The following MCTP2 variants were observed in gnomAD, a reference collection of about 807,000 sequenced individuals.
MCTP2 encodes the protein multiple C2 and transmembrane domain-containing protein 2.
In MCTP2, 132 loss-of-function variants were observed where a neutral mutation model predicts 111.6. That is an observed-to-expected ratio of 1.18 (90% CI 1.03 to 1.37). The LOEUF (loss-of-function observed/expected upper bound fraction) is 1.37, where lower values mean the gene tolerates loss of function less well. Among genes scored for constraint, MCTP2 ranks in the 40% most tolerant of loss-of-function variants. The pLI is 0.00. For synonymous variants in MCTP2, 395 were observed against 387.7 expected, an observed-to-expected ratio of 1.02 and a Z score of -0.22; for missense variants, 1,183 against 1,067.9, an observed-to-expected ratio of 1.11 and a Z score of -1.50.
At chr15:94,249,790 C>CT (rs963420107) in intron 1 of MCTP2, among the ~76,000 whole-genome samples, 5 of 151,856 alleles carry the variant, frequency 3.3e-5, no homozygotes, top group Non-Finnish European at 7.4e-5. Context: ...TGGCCAGAAT[C>CT]TTTTTTTTAA....
At chr15:94,432,989 C>G (rs548105272) in intron 17 of MCTP2, among the ~76,000 whole-genome samples, 19 of 152,314 alleles carry the variant, frequency 1.2e-4, no homozygotes, top group African/African-American at 3.6e-4. Context: ...CACTTCATCA[C>G]CATTTCATCA....
rs117165439 is a variant in MCTP2 at position 94,442,906 on chromosome 15, G to C, written c.2209-13G>C. On this transcript the variant is annotated splice_polypyrimidine_tract_variant and intron_variant, in intron 18 of 22. Transcript: ENST00000357742. ...GGTTGATGTTTCTATAAACACGTGG[G>C]ATTTCCTTTCAGGAGAGCACAGACA... 0.023 allele frequency: 37,340 copies of C among 1,611,688 alleles called. 549 individuals are homozygous for C. Among genetic ancestry groups the C allele is most frequent in the Non-Finnish European group, 0.026 (30,581 of 1,178,318 alleles).
chr15:94,364,176 T>C (rs1255581129), intron 10 of MCTP2, among the ~76,000 whole-genome samples: 1 of 150,062 alleles, frequency 6.7e-6, no homozygotes, highest in Non-Finnish European at 1.5e-5. Context: ...TGCCCGTTTT[T>C]GTAAATAAAG....
At chr15:94,289,444 C>T (rs1389901252) in intron 1 of MCTP2, among the ~76,000 whole-genome samples, 1 of 152,008 alleles carries the variant, frequency 6.6e-6, no homozygotes, top group Non-Finnish European at 1.5e-5. Context: ...TTGGAGGCAG[C>T]AGACCTGACA....
intron 12 of MCTP2, among the ~76,000 whole-genome samples, chr15:94,370,480 G>T (rs936234464): frequency 6.6e-6 from 1 of 152,126 alleles, no homozygotes; most frequent in Non-Finnish European, 1.5e-5. Context: ...TAAGTTGTTG[G>T]TCAAGCTTTT....
chr15:94,427,751 G>A (rs1005404775), intron 17 of MCTP2, among the ~76,000 whole-genome samples: 6 of 152,156 alleles, frequency 3.9e-5, no homozygotes, highest in African/African-American at 7.2e-5. Flanking sequence ...AACTAAGGGA[G>A]TGCATTTGTT....
At chr15:94,367,584 T>C in intron 10 of MCTP2, 21 bp from the exon 11 acceptor site, 3 of 1,597,496 alleles carry the variant, frequency 1.9e-6, no homozygotes, top group Non-Finnish European at 1.7e-6. Flanking sequence ...TTCTCTCTCT[T>C]GATTCCTGAA....
At chr15:94,473,007 T>A (rs910763756) in intron 21 of MCTP2, among the ~76,000 whole-genome samples, 1 of 152,216 alleles carries the variant, frequency 6.6e-6, no homozygotes, top group Admixed American at 6.5e-5. Context: ...TACTTATTCA[T>A]TTTTTATTGA....
In MCTP2 at chr15:94,399,151, T is replaced by G. The variant is rs1463819762; in HGVS notation, c.1890+89T>G. ...TGGAGGCTCAAATCAATGTAAGATGTTTCAGAATTTTTGCAGCTACAGAGA... is the reference window on the plus strand; with the variant it reads ...TGGAGGCTCAAATCAATGTAAGATGGTTCAGAATTTTTGCAGCTACAGAGA... On this transcript the variant is annotated intron_variant, in intron 15 of 22. Transcript: ENST00000357742. 21 of 705,222 alleles carry G rather than the reference T, an allele frequency of 3.0e-5. No homozygotes were observed. In the East Asian group the frequency reaches 5.5e-4, roughly 19 times the overall value. The allele number at this position is 705,222 out of a possible 1,614,324, so 43.7% of individuals were successfully genotyped here.
Position 94,482,079 on chromosome 15 carries a change from TTTTC to T in MCTP2, c.*3049_*3052del, listed in dbSNP as rs1269650558. 6.6e-6 allele frequency: 1 copy of T among 152,228 alleles called. No homozygotes were observed. Among genetic ancestry groups the T allele is most frequent in the Non-Finnish European group, 1.5e-5 (1 of 68,038 alleles). 9.4% of individuals were successfully genotyped at this position (152,228 alleles called of 1,614,324 possible). ...TGGTAAAACAATCTTCTGGATTCTT[TTTTC>T]TTTACTTGTAAATTATCATTTAACA... On this transcript the variant is annotated 3_prime_UTR_variant, in exon 23 of 23. Coordinates refer to ENST00000357742, the MANE Select transcript of MCTP2 (RefSeq NM_001385001.1).
chr15:94,320,910 C>A (rs1238086194), intron 4 of MCTP2, among the ~76,000 whole-genome samples: 1 of 152,176 alleles, frequency 6.6e-6, no homozygotes, highest in African/African-American at 2.4e-5. Flanking sequence ...ATTTGGTCTA[C>A]TACTTGGCTT....
chr15:94,271,304 T>C (rs533717685), intron 1 of MCTP2, among the ~76,000 whole-genome samples: 2 of 152,330 alleles, frequency 1.3e-5, no homozygotes, highest in East Asian at 1.9e-4. Flanking sequence ...TCACTGCTCT[T>C]CCAATTATAT....
chr15:94,413,556 A>C (rs1320445801), intron 17 of MCTP2, among the ~76,000 whole-genome samples: 1 of 137,000 alleles, frequency 7.3e-6, no homozygotes, highest in East Asian at 2.2e-4. Context: ...TGGCTTGCTT[A>C]GGCATGACGC....
chr15:94,399,289 T>A (rs536641248), intron 15 of MCTP2, among the ~76,000 whole-genome samples: 1 of 152,334 alleles, frequency 6.6e-6, no homozygotes, highest in Admixed American at 6.5e-5. Context: ...AACCTGAGTT[T>A]AATGGAAAAG....
intron 10 of MCTP2, among the ~76,000 whole-genome samples, chr15:94,364,348 C>T (rs1196502444): frequency 1.3e-5 from 2 of 152,212 alleles, no homozygotes; most frequent in East Asian, 3.9e-4. Flanking sequence ...AAAGGCTAAT[C>T]CTGTACCCTA....
intron 4 of MCTP2, among the ~76,000 whole-genome samples, chr15:94,338,433 C>T (rs561100915): frequency 1.3e-4 from 19 of 151,672 alleles, no homozygotes; most frequent in East Asian, 3.9e-4. Context: ...TATCATGCGA[C>T]GCACATGCAT....
At chr15:94,384,500 C>G (rs2152455865) in intron 13 of MCTP2, among the ~76,000 whole-genome samples, 1 of 152,284 alleles carries the variant, frequency 6.6e-6, no homozygotes, top group East Asian at 1.9e-4. Flanking sequence ...TACAGATTAT[C>G]TGTGACTCCT....
intron 17 of MCTP2, among the ~76,000 whole-genome samples, chr15:94,411,800 C>T (rs1456258058): frequency 6.6e-6 from 1 of 152,108 alleles, no homozygotes; most frequent in Non-Finnish European, 1.5e-5. Flanking sequence ...AATATGTAAT[C>T]ATCTAAGCCT....
intron 1 of MCTP2, among the ~76,000 whole-genome samples, chr15:94,244,992 TTATA>T (rs1208878280): frequency 1.3e-4 from 20 of 148,932 alleles, no homozygotes; most frequent in East Asian, 2.0e-4. Context: ...ATGCACCTGT[TTATA>T]TACGTATATG....
Sources: allele counts gnomAD v4.1 joint callset (sites outside exome capture counted in the v4.1 genomes callset), GRCh38; gene constraint gnomAD v4.1.1; transcripts MANE v1.5; gene names NCBI Gene and HGNC (gene_info 2026-07-23, HGNC 2026-07-21).